The following CAMTA1 variants were observed in gnomAD, a reference collection of about 807,000 sequenced individuals.
The protein encoded by CAMTA1 is calmodulin-binding transcription activator 1.
In CAMTA1, 27 loss-of-function variants were observed where a neutral mutation model predicts 170.9. The observed-to-expected ratio is 0.16, with a 90% CI of 0.12 to 0.22. The LOEUF is 0.22. Among genes scored for constraint, CAMTA1 ranks in the 10% least tolerant of loss-of-function variants. The probability of loss-of-function intolerance (pLI) is 1.00; values close to 1 mark genes in which losing one functional copy is unlikely to be tolerated. For synonymous variants in CAMTA1, 833 were observed against 891.5 expected (o/e 0.93, Z 1.17); for missense variants, 1,619 against 2,217.2 (o/e 0.73, Z 5.42).
chr1:7,644,236 T>C (rs548246326), intron 7 of CAMTA1, among the ~76,000 whole-genome samples: 9 of 152,284 alleles, frequency 5.9e-5, no homozygotes, highest in African/African-American at 1.9e-4. Context: ...ATCCTGGTCC[T>C]TGCAGCTGTG....
In CAMTA1 at chr1:7,064,787, T is replaced by C. The variant is rs577750357; in HGVS notation, c.235-26517T>C. 1.3e-5 allele frequency among the ~76,000 whole-genome samples: 2 copies of C among 152,068 alleles called. No homozygotes were observed. The highest frequency in any genetic ancestry group is 4.8e-5 in the African/African-American group (2 of 41,486). On this transcript the variant is annotated intron_variant, in intron 3 of 22. Coordinates refer to ENST00000303635, the MANE Select transcript of CAMTA1 (RefSeq NM_015215.4). The surrounding 1 kb of genome is among the most constrained non-coding windows in gnomAD (Gnocchi z 5.4). ...CCCATTCGGGGCATGGTGGGGGCTGTAGGAGGACAGAGGAGTCCATGGATG... is the reference window on the plus strand; with the variant it reads ...CCCATTCGGGGCATGGTGGGGGCTGCAGGAGGACAGAGGAGTCCATGGATG...
Position 7,519,859 on chromosome 1 carries a change from T to C in CAMTA1, c.510+51958T>C, listed in dbSNP as rs1415483290. The stretch of plus-strand genomic sequence containing the variant: ...TGTTCCGCAGTGGTCCCTGCCCCTC[T>C]ATCTGCACAGCCACCACCCTCCTGG... On this transcript the variant is annotated intron_variant, in intron 6 of 22. Transcript: ENST00000303635. 4.0e-5 allele frequency among the ~76,000 whole-genome samples: 6 copies of C among 151,706 alleles called. 1 individual carries two copies. In the East Asian group the frequency reaches 1.2e-3, roughly 30 times the overall value.
At chr1:7,351,239 G>A (rs1364674817) in intron 5 of CAMTA1, among the ~76,000 whole-genome samples, 1 of 152,278 alleles carries the variant, frequency 6.6e-6, no homozygotes. Context: ...TCTGAGGAAT[G>A]CCTTTCATCC....
At chr1:7,256,279 G>C (rs1667346553) in intron 5 of CAMTA1, among the ~76,000 whole-genome samples, 1 of 151,764 alleles carries the variant, frequency 6.6e-6, no homozygotes, top group Non-Finnish European at 1.5e-5. Context: ...GCAGCCCTAG[G>C]CCGGGCACGG....
At chr1:7,134,487 A>ATTG (rs1285794758) in intron 4 of CAMTA1, among the ~76,000 whole-genome samples, 1 of 151,802 alleles carries the variant, frequency 6.6e-6, no homozygotes, top group Non-Finnish European at 1.5e-5. Context: ...TATTATTATT[A>ATTG]TTTTAGAGAC....
chr1:7,698,822 A>C (rs11121001), intron 11 of CAMTA1: 5,283 of 152,338 alleles, frequency 0.035, 446 homozygotes, highest in East Asian at 0.27. Context: ...GTCTTCTGAC[A>C]TCTTCTGCCC....
At chr1:7,515,375 T>C (rs1212724) in intron 6 of CAMTA1, among the ~76,000 whole-genome samples, 109,492 of 152,104 alleles carry the variant, frequency 0.72, 39,730 homozygotes, top group South Asian at 0.82. Flanking sequence ...CCAAAACACC[T>C]GATTCCTGTC....
At chr1:6,997,663 T>C (rs1336366302) in intron 3 of CAMTA1, among the ~76,000 whole-genome samples, 1 of 147,350 alleles carries the variant, frequency 6.8e-6, no homozygotes, top group African/African-American at 2.5e-5. Flanking sequence ...TTTCTTTCTT[T>C]TTTTTTTTTT....
intron 3 of CAMTA1, among the ~76,000 whole-genome samples, chr1:6,835,666 A>G (rs1255194472): frequency 6.6e-6 from 1 of 152,192 alleles, no homozygotes; most frequent in Non-Finnish European, 1.5e-5. Flanking sequence ...TGTTCTAATT[A>G]ACTTCACTGG....
chr1:7,564,319 C>T (rs963476570), intron 6 of CAMTA1, among the ~76,000 whole-genome samples: 4 of 152,210 alleles, frequency 2.6e-5, no homozygotes, highest in Non-Finnish European at 5.9e-5. Flanking sequence ...CCGGAGACGG[C>T]GTGCTGTCTG....
At chr1:6,932,628 C>G (rs1361721596) in intron 3 of CAMTA1, among the ~76,000 whole-genome samples, 3 of 152,208 alleles carry the variant, frequency 2.0e-5, no homozygotes, top group Non-Finnish European at 4.4e-5. Flanking sequence ...ATGAGAGTTC[C>G]AGTTTCTCTA....
chr1:7,485,147 A>C (rs1465142627), intron 6 of CAMTA1, among the ~76,000 whole-genome samples: 1 of 152,118 alleles, frequency 6.6e-6, no homozygotes. Flanking sequence ...GCCCATCCCC[A>C]GTCCCCCACC....
chr1:7,214,587 T>G (rs1014631013), intron 4 of CAMTA1, among the ~76,000 whole-genome samples: 32 of 152,150 alleles, frequency 2.1e-4, no homozygotes, highest in Non-Finnish European at 5.9e-5. Flanking sequence ...GGGATGGTCT[T>G]GATCTCTGGA....
intron 6 of CAMTA1, among the ~76,000 whole-genome samples, chr1:7,478,014 C>T (rs2093449863): frequency 6.6e-6 from 1 of 152,214 alleles, no homozygotes; most frequent in African/African-American, 2.4e-5. Flanking sequence ...AACCTTATTT[C>T]CTTTTTGGTA....
Position 7,251,754 on chromosome 1 carries a change from A to G in CAMTA1, c.438+2128A>G, listed in dbSNP as rs1481284990. On this transcript the variant is annotated intron_variant, in intron 5 of 22. Transcript: ENST00000303635. This position sits in a 1 kb window ranked among gnomAD's most constrained non-coding sequence, Gnocchi z 5.1. Reference sequence around the variant, plus strand: ...GAGACGCAGAGCAGCCTGGGCTTTTATGATAAGCATCCCGGGAGTGCAGAG... The same window carrying G: ...GAGACGCAGAGCAGCCTGGGCTTTTGTGATAAGCATCCCGGGAGTGCAGAG... Among the ~76,000 whole-genome samples, 2 of 152,180 alleles carry G rather than the reference A, an allele frequency of 1.3e-5. No homozygotes were observed. The highest frequency in any genetic ancestry group is 2.9e-5 in the Non-Finnish European group (2 of 68,036).
chr1:7,138,178 A>G (rs539898736), intron 4 of CAMTA1, among the ~76,000 whole-genome samples: 3 of 152,098 alleles, frequency 2.0e-5, no homozygotes, highest in East Asian at 1.9e-4. Flanking sequence ...GTAGAAATGG[A>G]GTCTCACTAT....
chr1:7,732,615 G>A lies in CAMTA1; in HGVS notation c.3066+16G>A, dbSNP rs776765368. 6.4e-7 allele frequency: 1 copy of A among 1,574,072 alleles called. No homozygotes were observed. The highest frequency in any genetic ancestry group is 8.6e-7 in the Non-Finnish European group (1 of 1,160,176). The stretch of plus-strand genomic sequence containing the variant: ...CCAGGCACAGGTACGAGGCGGTGCT[G>A]ATGCTCAGCTCCCATTTCGCTTCAT... On this transcript the variant is annotated intron_variant, in intron 12 of 22. Transcript: ENST00000303635. This position sits in a 1 kb window ranked among gnomAD's most constrained non-coding sequence, Gnocchi z 4.1.
At chr1:6,922,888 G>A (rs908569415) in intron 3 of CAMTA1, among the ~76,000 whole-genome samples, 7 of 152,130 alleles carry the variant, frequency 4.6e-5, no homozygotes, top group East Asian at 1.9e-4. Flanking sequence ...ACCCCCTTCC[G>A]TTAAGTGTTC....
In CAMTA1 at chr1:7,590,054, C is replaced by T. The variant is rs577174090; in HGVS notation, c.511-50346C>T. On this transcript the variant is annotated intron_variant, in intron 6 of 22. Transcript: ENST00000303635. ...GCCCCTGAAAGAAGAACTTGAGGGC[C>T]AGGCCCTGAGTTTGGATCCTTTTCC... is the stretch of plus-strand genomic sequence containing the variant. 3.3e-5 allele frequency among the ~76,000 whole-genome samples: 5 copies of T among 152,314 alleles called. No individual in the cohort carries two copies. In the South Asian group the frequency reaches 1.0e-3, roughly 32 times the overall value.
Sources: allele counts gnomAD v4.1 joint callset (sites outside exome capture counted in the v4.1 genomes callset), GRCh38; gene constraint gnomAD v4.1.1; non-coding constraint Gnocchi (gnomAD v3.1); transcripts MANE v1.5; gene names NCBI Gene and HGNC (gene_info 2026-07-23, HGNC 2026-07-21).